Variants in TACR3 observed in about 807,000 individuals in gnomAD.
TACR3 encodes neuromedin-K receptor.
A neutral mutation model predicts 35.0 loss-of-function variants in TACR3; 34 were observed. That is an observed-to-expected ratio of 0.97 (90% CI 0.74 to 1.30). TACR3 has a LOEUF of 1.30. TACR3 is among the 50% of genes most tolerant of loss of function. TACR3 has a pLI of 0.00. For synonymous variants in TACR3, 233 were observed against 221.1 expected, an observed-to-expected ratio of 1.05 and a Z score of -0.48; for missense variants, 558 against 591.7, an observed-to-expected ratio of 0.94 and a Z score of 0.59.
At chr4:103,659,688 A>G (rs1057111260) in intron 1 of TACR3, among the ~76,000 whole-genome samples, 3 of 152,168 alleles carry the variant, frequency 2.0e-5, no homozygotes, top group Non-Finnish European at 4.4e-5. Flanking sequence ...AAGTATACTT[A>G]AAGCATACTT....
intron 3 of TACR3, among the ~76,000 whole-genome samples, chr4:103,643,910 A>T (rs531465195): frequency 6.6e-6 from 1 of 151,850 alleles, no homozygotes; most frequent in South Asian, 2.1e-4. Flanking sequence ...ACCCATAGAG[A>T]ACCTTTTTCA....
At chr4:103,658,086 T>A in intron 2 of TACR3, 129 bp downstream of exon 2, 1 of 895,894 alleles carries the variant, frequency 1.1e-6, no homozygotes, top group East Asian at 2.6e-5. Context: ...TATTTTTATA[T>A]ATTTCCTTTT....
At chr4:103,690,533 A>G (rs906477226) in intron 1 of TACR3, among the ~76,000 whole-genome samples, 1 of 152,126 alleles carries the variant, frequency 6.6e-6, no homozygotes, top group African/African-American at 2.4e-5. Context: ...AGACAATTCA[A>G]TAAGAATAGT....
chr4:103,612,544 G>C (rs1280583051), intron 3 of TACR3, among the ~76,000 whole-genome samples: 1 of 150,762 alleles, frequency 6.6e-6, no homozygotes, highest in Non-Finnish European at 1.5e-5. Flanking sequence ...AGACAGCCTC[G>C]CTCTGTCACC....
intron 1 of TACR3, among the ~76,000 whole-genome samples, chr4:103,658,903 T>C (rs926620027): frequency 3.3e-5 from 5 of 152,186 alleles, no homozygotes; most frequent in African/African-American, 1.2e-4. Flanking sequence ...TGCCATAATG[T>C]AGAATCCGTG....
At chr4:103,653,119 G>A (rs957353493) in intron 3 of TACR3, among the ~76,000 whole-genome samples, 2 of 151,994 alleles carry the variant, frequency 1.3e-5, no homozygotes, top group Admixed American at 6.6e-5. Context: ...GGGCCATTTC[G>A]TATTATTTCA....
intron 3 of TACR3, among the ~76,000 whole-genome samples, chr4:103,617,106 G>A (rs1220654870): frequency 6.6e-6 from 1 of 151,990 alleles, no homozygotes; most frequent in Non-Finnish European, 1.5e-5. Context: ...TGTTCACTAA[G>A]CAACAAAAAA....
chr4:103,604,595 A>G (rs1291304919), intron 3 of TACR3, among the ~76,000 whole-genome samples: 1 of 152,188 alleles, frequency 6.6e-6, no homozygotes. Flanking sequence ...ACCATGAGTG[A>G]ACAGGCAACT....
chr4:103,714,171 T>C (rs1414640023), intron 1 of TACR3, among the ~76,000 whole-genome samples: 2 of 152,146 alleles, frequency 1.3e-5, no homozygotes, highest in Non-Finnish European at 2.9e-5. Flanking sequence ...AATAAGAATA[T>C]GTTATATATT....
intron 1 of TACR3, among the ~76,000 whole-genome samples, chr4:103,702,447 TTGG>T (rs1349490660): frequency 1.3e-5 from 2 of 152,180 alleles, no homozygotes; most frequent in African/African-American, 2.4e-5. Context: ...TTTTACACTG[TTGG>T]TGGGACTGTA....
chr4:103,619,829 C>CT (rs1490916363), intron 3 of TACR3, among the ~76,000 whole-genome samples: 2 of 152,154 alleles, frequency 1.3e-5, no homozygotes, highest in African/African-American at 4.8e-5. Flanking sequence ...CAATTATCAA[C>CT]TTGCAGATAT....
intron 3 of TACR3, among the ~76,000 whole-genome samples, chr4:103,624,744 T>TCCTC (rs1724853890): frequency 6.6e-6 from 1 of 152,220 alleles, no homozygotes; most frequent in African/African-American, 2.4e-5. Flanking sequence ...ATTATTTTTC[T>TCCTC]ATTTGTAATT....
intron 3 of TACR3, among the ~76,000 whole-genome samples, chr4:103,614,667 T>C (rs1267183195): frequency 1.3e-5 from 2 of 152,116 alleles, no homozygotes; most frequent in African/African-American, 4.8e-5. Context: ...GACACAATAG[T>C]CTTATTAGTG....
At chr4:103,684,932 C>T (rs1017985137) in intron 1 of TACR3, among the ~76,000 whole-genome samples, 2 of 151,400 alleles carry the variant, frequency 1.3e-5, no homozygotes, top group South Asian at 2.1e-4. Flanking sequence ...TGCAGTGAAC[C>T]GAGATTGCAC....
intron 1 of TACR3, among the ~76,000 whole-genome samples, chr4:103,705,384 A>G (rs1722764446): frequency 6.6e-6 from 1 of 152,046 alleles, no homozygotes; most frequent in Admixed American, 6.6e-5. Context: ...ATTTACTTTT[A>G]TAATTCATTT....
intron 1 of TACR3, among the ~76,000 whole-genome samples, chr4:103,681,065 A>G (rs1343028025): frequency 6.6e-6 from 1 of 151,948 alleles, no homozygotes; most frequent in Non-Finnish European, 1.5e-5. Context: ...AGAGCATAAT[A>G]TTCTTCCTTT....
At chr4:103,667,074 A>G (rs569329088) in intron 1 of TACR3, among the ~76,000 whole-genome samples, 212 of 152,280 alleles carry the variant, frequency 1.4e-3, no homozygotes, top group Admixed American at 2.1e-3. Flanking sequence ...CCTGGCCAAC[A>G]TGTTGAAACC....
intron 3 of TACR3, among the ~76,000 whole-genome samples, chr4:103,609,103 GA>G: frequency 6.6e-6 from 1 of 152,228 alleles, no homozygotes; most frequent in East Asian, 1.9e-4. Flanking sequence ...CCAAAAATAT[GA>G]AGTGTGTAAT....
intron 3 of TACR3, among the ~76,000 whole-genome samples, chr4:103,592,981 A>G (rs557962196): frequency 6.6e-6 from 1 of 152,306 alleles, no homozygotes; most frequent in Non-Finnish European, 1.5e-5. Flanking sequence ...ACAGCTCACA[A>G]AATGTCATCA....
Sources: allele counts gnomAD v4.1 joint callset (sites outside exome capture counted in the v4.1 genomes callset), GRCh38; gene constraint gnomAD v4.1.1; transcripts MANE v1.5; gene names NCBI Gene and HGNC (gene_info 2026-07-23, HGNC 2026-07-21).